GABBR2: variants seen among roughly 807,000 people sequenced by gnomAD.
The protein encoded by GABBR2 is G-protein coupled receptor 51.
In GABBR2, 23 loss-of-function variants were observed where a neutral mutation model predicts 105.6. The observed-to-expected ratio is 0.22, with a 90% CI of 0.16 to 0.31. The LOEUF (loss-of-function observed/expected upper bound fraction) is 0.31, where lower values mean the gene tolerates loss of function less well. Among genes scored for constraint, GABBR2 ranks in the 10% least tolerant of loss-of-function variants. GABBR2 has a pLI of 1.00. For synonymous variants in GABBR2, 478 were observed against 499.7 expected, an observed-to-expected ratio of 0.96 and a Z score of 0.58; for missense variants, 734 against 1,245.5, an observed-to-expected ratio of 0.59 and a Z score of 6.18.
At chr9:98,308,860 A>G (rs1464648105) in intron 14 of GABBR2, among the ~76,000 whole-genome samples, 1 of 152,230 alleles carries the variant, frequency 6.6e-6, no homozygotes, top group Non-Finnish European at 1.5e-5. Flanking sequence ...ATGACAGCCA[A>G]AGGAAACGAA....
chr9:98,595,247 G>A (rs1220367747), intron 1 of GABBR2, among the ~76,000 whole-genome samples: 2 of 151,968 alleles, frequency 1.3e-5, no homozygotes, highest in Non-Finnish European at 2.9e-5. Flanking sequence ...AAGCTCCCTT[G>A]TACCTCTTTT....
intron 15 of GABBR2, among the ~76,000 whole-genome samples, chr9:98,305,594 C>T (rs191603403): frequency 9.8e-5 from 15 of 152,290 alleles, no homozygotes; most frequent in Admixed American, 3.3e-4. Flanking sequence ...GCCGGAGGAT[C>T]GCTTGAGCCC....
intron 8 of GABBR2, among the ~76,000 whole-genome samples, chr9:98,403,702 T>C (rs7044963): frequency 6.6e-6 from 1 of 151,452 alleles, no homozygotes; most frequent in Non-Finnish European, 1.5e-5. Context: ...AAAGGTGTCA[T>C]AATGTTGACA....
At chr9:98,657,529 G>A (rs896735021) in intron 1 of GABBR2, among the ~76,000 whole-genome samples, 16 of 152,120 alleles carry the variant, frequency 1.1e-4, no homozygotes, top group Admixed American at 4.6e-4. Flanking sequence ...CTGTTTTAGC[G>A]GAAGGGAATA....
chr9:98,606,503 TG>T (rs35251837), intron 1 of GABBR2, among the ~76,000 whole-genome samples: 31,984 of 134,584 alleles, frequency 0.24, 4,082 homozygotes, highest in South Asian at 0.29. Flanking sequence ...TTTTTTGAGA[TG>T]GAGTCTCACT....
At chr9:98,535,054 C>A (rs1828143929) in intron 3 of GABBR2, among the ~76,000 whole-genome samples, 1 of 152,116 alleles carries the variant, frequency 6.6e-6, no homozygotes, top group Non-Finnish European at 1.5e-5. Context: ...TAACCACAGG[C>A]TCCTCATCCA....
At chr9:98,697,252 G>A (rs746830359) in intron 1 of GABBR2, among the ~76,000 whole-genome samples, 2 of 152,184 alleles carry the variant, frequency 1.3e-5, no homozygotes, top group Non-Finnish European at 2.9e-5. Context: ...AGCACTTTGG[G>A]AGGCCGAGGC....
intron 11 of GABBR2, among the ~76,000 whole-genome samples, chr9:98,385,204 T>A (rs1365878530): frequency 6.6e-6 from 1 of 152,192 alleles, no homozygotes; most frequent in Non-Finnish European, 1.5e-5. Context: ...GCCTGGTAAG[T>A]CCAGTATCTT....
At chr9:98,311,242 A>AG in intron 13 of GABBR2, 37 bp from the exon 14 acceptor site, 1 of 1,309,202 alleles carries the variant, frequency 7.6e-7, no homozygotes, top group Non-Finnish European at 1.1e-6. Context: ...GGGATGGCAC[A>AG]GGACACTCTT....
rs796154585 is a variant in GABBR2, at chr9:98,290,275, T to TG, written c.*308_*309insC. On this transcript the variant is annotated 3_prime_UTR_variant, in exon 19 of 19. Coordinates refer to ENST00000259455, the MANE Select transcript of GABBR2 (RefSeq NM_005458.8). Reference sequence around the variant, plus strand: ...CTCCTTGTCTAGTTTTTTTGTTTTTTTTTTTTTTTTTTTTTTTTTGCAAGT... The same window carrying TG: ...CTCCTTGTCTAGTTTTTTTGTTTTTTGTTTTTTTTTTTTTTTTTTTGCAAGT... 167 of 138,544 alleles carry TG rather than the reference T, an allele frequency of 1.2e-3. 2 individuals are homozygous for TG. The highest frequency in any genetic ancestry group is 7.5e-3 in the African/African-American group (153 of 20,394). The allele number at this position is 138,544 out of a possible 1,614,324, so 8.6% of individuals were successfully genotyped here.
chr9:98,545,152 C>A (rs1828375941), intron 2 of GABBR2, among the ~76,000 whole-genome samples: 1 of 152,202 alleles, frequency 6.6e-6, no homozygotes, highest in Non-Finnish European at 1.5e-5. Flanking sequence ...TCCAGGTCCA[C>A]AATTAATTGT....
intron 3 of GABBR2, among the ~76,000 whole-genome samples, chr9:98,502,946 T>G (rs1309583551): frequency 6.6e-6 from 1 of 152,164 alleles, no homozygotes; most frequent in Non-Finnish European, 1.5e-5. Flanking sequence ...TCATTTCTGA[T>G]ATTGACATCT....
intron 11 of GABBR2, among the ~76,000 whole-genome samples, chr9:98,380,463 G>A (rs1831952399): frequency 6.6e-6 from 1 of 152,228 alleles, no homozygotes; most frequent in Non-Finnish European, 1.5e-5. Context: ...TGTCTGGGCA[G>A]ACAGGGGCTG....
rs199945202 is a variant in GABBR2 at position 98,420,199 on chromosome 9, C to G, written c.1237-14058G>C. Among the ~76,000 whole-genome samples the G allele has an allele frequency of 9.2e-5, 14 of 152,282 alleles. No individual in the cohort carries two copies. In the East Asian group the frequency reaches 1.9e-3, roughly 21 times the overall value. ...CTCTGCAGGGATACCCTAGCTCCCC[C>G]CACCTGGCCCTCCTTGCCCCTCTGG... On this transcript the variant is annotated intron_variant, in intron 7 of 18. Coordinates refer to ENST00000259455, the MANE Select transcript of GABBR2 (RefSeq NM_005458.8).
chr9:98,335,509 C>CA (rs1286983232), intron 13 of GABBR2, among the ~76,000 whole-genome samples: 1 of 152,130 alleles, frequency 6.6e-6, no homozygotes, highest in Non-Finnish European at 1.5e-5. Flanking sequence ...GAACCCATGG[C>CA]AACTTTAAAA....
chr9:98,598,751 T>C (rs1182717650), intron 1 of GABBR2, among the ~76,000 whole-genome samples: 1 of 152,070 alleles, frequency 6.6e-6, no homozygotes, highest in African/African-American at 2.4e-5. Flanking sequence ...GGCAGACACT[T>C]GGACCTAAAA....
intron 3 of GABBR2, among the ~76,000 whole-genome samples, chr9:98,506,400 T>G (rs1827511556): frequency 6.6e-6 from 1 of 152,074 alleles, no homozygotes; most frequent in South Asian, 2.1e-4. Context: ...CATGGATGAG[T>G]GCATGCTGAG....
At chr9:98,635,801 C>T (rs1829867202) in intron 1 of GABBR2, among the ~76,000 whole-genome samples, 1 of 152,208 alleles carries the variant, frequency 6.6e-6, no homozygotes, top group Admixed American at 6.5e-5. Flanking sequence ...CAAACATGGT[C>T]TTAGACTGGG....
intron 7 of GABBR2, among the ~76,000 whole-genome samples, chr9:98,408,182 T>A (rs1372772948): frequency 2.0e-5 from 3 of 152,192 alleles, no homozygotes; most frequent in African/African-American, 7.2e-5. Flanking sequence ...GTTTCAACTC[T>A]CAGGTGATTT....
Sources: gnomAD v4.1 joint callset for allele counts (sites outside exome capture counted in the v4.1 genomes callset) on GRCh38, gnomAD v4.1.1 for gene constraint, MANE v1.5 for transcripts, NCBI Gene and HGNC (gene_info 2026-07-23, HGNC 2026-07-21) for gene names.